Variants in RIT2 observed in about 807,000 individuals in gnomAD.
The protein encoded by RIT2 is GTP-binding protein Rit2.
A neutral mutation model predicts 23.7 loss-of-function variants in RIT2; 24 were observed. The ratio of observed to expected loss-of-function variants is 1.01; its 90% CI spans 0.73 to 1.43. RIT2 has a LOEUF of 1.43. RIT2 is among the 40% of genes most tolerant of loss of function. The pLI, the probability that RIT2 is intolerant of heterozygous loss-of-function variation, is 0.00. For synonymous variants in RIT2, 107 were observed against 91.1 expected (o/e 1.17, Z -0.99); for missense variants, 236 against 266.9 (o/e 0.88, Z 0.81).
At chr18:42,892,765 G>T (rs1908216327) in intron 4 of RIT2, among the ~76,000 whole-genome samples, 5 of 152,082 alleles carry the variant, frequency 3.3e-5, no homozygotes, top group Admixed American at 3.3e-4. Context: ...TGAAATCCTG[G>T]TGTCTTATAG....
intron 4 of RIT2, among the ~76,000 whole-genome samples, chr18:42,840,816 A>G (rs1335857519): frequency 1.3e-5 from 2 of 152,176 alleles, no homozygotes; most frequent in Non-Finnish European, 2.9e-5. Context: ...TAATTTCACA[A>G]TATTCTGAAG....
chr18:43,097,985 G>C (rs531007997), intron 1 of RIT2, among the ~76,000 whole-genome samples: 11 of 152,046 alleles, frequency 7.2e-5, no homozygotes, highest in African/African-American at 2.6e-4. Context: ...TAGTTAGCTA[G>C]ATATTAGCTG....
chr18:43,026,910 T>TAAGAAGACCAAATGC (rs1245012950), intron 2 of RIT2, among the ~76,000 whole-genome samples: 2 of 151,894 alleles, frequency 1.3e-5, no homozygotes, highest in African/African-American at 2.4e-5. Context: ...AGAGAGACAA[T>TAAGAAGACCAAATGC]AAGAAGACCA....
At chr18:42,799,406 T>A (rs1268547754) in intron 4 of RIT2, among the ~76,000 whole-genome samples, 1 of 152,188 alleles carries the variant, frequency 6.6e-6, no homozygotes, top group Non-Finnish European at 1.5e-5. Context: ...CCCAAATAAA[T>A]AACTCTAAAA....
chr18:42,788,111 T>C (rs1913962846), intron 4 of RIT2, among the ~76,000 whole-genome samples: 1 of 152,106 alleles, frequency 6.6e-6, no homozygotes, highest in Non-Finnish European at 1.5e-5. Context: ...AAAAAGTAAT[T>C]ACAATTTGCA....
intron 3 of RIT2, among the ~76,000 whole-genome samples, chr18:42,940,418 T>C (rs1909572666): frequency 6.6e-6 from 1 of 150,612 alleles, no homozygotes; most frequent in Admixed American, 6.7e-5. Flanking sequence ...CACACATATA[T>C]AGACACACAC....
intron 4 of RIT2, among the ~76,000 whole-genome samples, chr18:42,842,963 C>T (rs1906808551): frequency 6.6e-6 from 1 of 152,080 alleles, no homozygotes; most frequent in Non-Finnish European, 1.5e-5. Flanking sequence ...TATCAGATTC[C>T]TATTGATTTC....
At chr18:42,916,704 G>A (rs548993996) in intron 4 of RIT2, among the ~76,000 whole-genome samples, 8 of 152,106 alleles carry the variant, frequency 5.3e-5, no homozygotes, top group Admixed American at 2.6e-4. Context: ...TTATTGAGGC[G>A]CTACTCTGTG....
chr18:42,791,695 A>G (rs7241720), intron 4 of RIT2, among the ~76,000 whole-genome samples: 49,510 of 152,054 alleles, frequency 0.33, 10,771 homozygotes, highest in African/African-American at 0.61. Flanking sequence ...GTTTTAATCC[A>G]TTTTTGTGGT....
intron 4 of RIT2, among the ~76,000 whole-genome samples, chr18:42,920,347 G>T (rs1309305104): frequency 6.6e-6 from 1 of 152,198 alleles, no homozygotes; most frequent in African/African-American, 2.4e-5. Flanking sequence ...CCTTGAACAA[G>T]TTATTGAATG....
intron 1 of RIT2, among the ~76,000 whole-genome samples, chr18:43,102,400 T>G (rs189006916): frequency 2.7e-5 from 4 of 149,790 alleles, no homozygotes; most frequent in Middle Eastern, 3.5e-3. Flanking sequence ...TAACATTTTA[T>G]AAAATACTTT....
At chr18:42,830,882 A>G (rs985816683) in intron 4 of RIT2, among the ~76,000 whole-genome samples, 1 of 152,214 alleles carries the variant, frequency 6.6e-6, no homozygotes, top group African/African-American at 2.4e-5. Flanking sequence ...ACTTAAAAAC[A>G]GAATCATGGG....
At chr18:43,083,176 C>T (rs1025901848) in intron 1 of RIT2, among the ~76,000 whole-genome samples, 10 of 151,910 alleles carry the variant, frequency 6.6e-5, no homozygotes, top group African/African-American at 2.2e-4. Context: ...CTACAAGGGA[C>T]GTGAAGGACT....
chr18:42,882,240 T>C (rs1907913816), intron 4 of RIT2, among the ~76,000 whole-genome samples: 5 of 152,216 alleles, frequency 3.3e-5, no homozygotes, highest in Admixed American at 6.5e-5. Context: ...TCAGTGCTGA[T>C]TCATTCCTTC....
chr18:42,801,264 A>C (rs2143962525), intron 4 of RIT2, among the ~76,000 whole-genome samples: 1 of 152,318 alleles, frequency 6.6e-6, no homozygotes, highest in African/African-American at 2.4e-5. Context: ...CTAGTTTTGA[A>C]AATGTTAGAG....
chr18:42,833,421 GT>G (rs1906514920), intron 4 of RIT2, among the ~76,000 whole-genome samples: 1 of 152,052 alleles, frequency 6.6e-6, no homozygotes. Flanking sequence ...TACCATTGCT[GT>G]TGTGAATAGT....
chr18:42,986,436 G>A (rs778591070), intron 2 of RIT2, among the ~76,000 whole-genome samples: 17 of 152,082 alleles, frequency 1.1e-4, no homozygotes, highest in Non-Finnish European at 2.5e-4. Flanking sequence ...TTGTTGGGGT[G>A]GTGGTTTTTA....
Position 42,743,371 on chromosome 18 carries a change from C to A in RIT2, c.*122G>T. The A allele has an allele frequency of 1.3e-6, 1 of 741,806 alleles. No individual in the cohort carries two copies. The allele number at this position is 741,806 out of a possible 1,614,324, so 46.0% of individuals were successfully genotyped here. On this transcript the variant is annotated 3_prime_UTR_variant, in exon 5 of 5. Transcript: ENST00000326695. ...ACAGATATGCAGAGCTTGCTTTTAC[C>A]TACAGGCAGATATTTAAAGAGAGAG...
At position 42,990,538 on chromosome 18, in the gene RIT2, G is replaced by T. The variant is rs545450444; in HGVS notation, c.161-16391C>A. 3.3e-5 allele frequency among the ~76,000 whole-genome samples: 5 copies of T among 152,232 alleles called. No homozygotes were observed. In the East Asian group the frequency reaches 5.8e-4, roughly 18 times the overall value. On this transcript the variant is annotated intron_variant, in intron 2 of 4. Coordinates refer to ENST00000326695, the MANE Select transcript of RIT2 (RefSeq NM_002930.4). ...CTATTGAACTTCTACAAAACCTTGG[G>T]CATAACCCTGTTAAAGAAATGTTTT... is the stretch of plus-strand genomic sequence containing the variant.
Sources: gnomAD v4.1 joint callset for allele counts (sites outside exome capture counted in the v4.1 genomes callset) on GRCh38, gnomAD v4.1.1 for gene constraint, MANE v1.5 for transcripts, NCBI Gene and HGNC (gene_info 2026-07-23, HGNC 2026-07-21) for gene names.